Variants in PCGF5 observed in about 807,000 individuals in gnomAD.
PCGF5 encodes the protein polycomb group ring finger 5.
In PCGF5, 9 loss-of-function variants were observed where a neutral mutation model predicts 44.3. The ratio of observed to expected loss-of-function variants is 0.20; its 90% CI spans 0.12 to 0.35. The LOEUF (loss-of-function observed/expected upper bound fraction) is 0.35. PCGF5 is among the 10% of genes least tolerant of loss of function. The pLI, the probability that PCGF5 is intolerant of heterozygous loss-of-function variation, is 1.00. For missense variants in PCGF5, 146 were observed against 305.3 expected (o/e 0.48, Z 3.89); for synonymous variants, 95 against 102.5 (o/e 0.93, Z 0.44).
chr10:91,179,982 CT>C (rs1254721490), intron 1 of PCGF5, among the ~76,000 whole-genome samples: 1 of 152,052 alleles, frequency 6.6e-6, no homozygotes, highest in Non-Finnish European at 1.5e-5. Context: ...TATAACATTT[CT>C]TTTTTTCCAC....
intron 5 of PCGF5, among the ~76,000 whole-genome samples, chr10:91,250,182 G>A (rs1845590173): frequency 6.6e-6 from 1 of 151,906 alleles, no homozygotes; most frequent in Admixed American, 6.6e-5. Flanking sequence ...TTCATAGAAG[G>A]CAACTCCTAT....
At chr10:91,254,322 C>A (rs1028143297) in intron 6 of PCGF5, among the ~76,000 whole-genome samples, 1 of 151,698 alleles carries the variant, frequency 6.6e-6, no homozygotes, top group African/African-American at 2.4e-5. Context: ...TTTGAACAAC[C>A]CTTCCTTTTT....
chr10:91,223,460 G>C (rs1235971281), intron 2 of PCGF5, among the ~76,000 whole-genome samples: 1 of 152,144 alleles, frequency 6.6e-6, no homozygotes, highest in Admixed American at 6.5e-5. Context: ...CGGAGACTCT[G>C]AGAGTGGGCC....
intron 3 of PCGF5, among the ~76,000 whole-genome samples, chr10:91,248,221 G>A (rs1370608143): frequency 2.0e-5 from 3 of 152,092 alleles, no homozygotes; most frequent in African/African-American, 4.8e-5. Context: ...TATTTCCAAG[G>A]CAGGGGAATA....
intron 9 of PCGF5, among the ~76,000 whole-genome samples, chr10:91,272,365 C>T (rs374179310): frequency 1.6e-4 from 25 of 152,206 alleles, no homozygotes; most frequent in African/African-American, 6.0e-4. Flanking sequence ...CATTGTTGGG[C>T]CAGGCATAGT....
intron 1 of PCGF5, among the ~76,000 whole-genome samples, chr10:91,201,571 C>G (rs1019367098): frequency 4.6e-5 from 7 of 152,120 alleles, no homozygotes; most frequent in African/African-American, 7.2e-5. Flanking sequence ...GAGTGGAGAA[C>G]TATCTTCTCC....
chr10:91,191,138 T>C (rs1844025378), intron 1 of PCGF5, among the ~76,000 whole-genome samples: 1 of 152,164 alleles, frequency 6.6e-6, no homozygotes, highest in African/African-American at 2.4e-5. Flanking sequence ...TACATACATA[T>C]GATAAAGTTT....
intron 1 of PCGF5, among the ~76,000 whole-genome samples, chr10:91,186,882 G>A (rs942181231): frequency 8.5e-5 from 13 of 152,120 alleles, no homozygotes; most frequent in African/African-American, 2.9e-4. Context: ...TCAAGGTGAG[G>A]GTTTGCTTCA....
At chr10:91,265,298 G>A (rs892922757) in intron 8 of PCGF5, among the ~76,000 whole-genome samples, 1 of 152,020 alleles carries the variant, frequency 6.6e-6, no homozygotes, top group African/African-American at 2.4e-5. Flanking sequence ...GGGATTGTAG[G>A]ACTCATATAT....
intron 1 of PCGF5, among the ~76,000 whole-genome samples, chr10:91,178,767 T>TAAA (rs5786944): frequency 1.3e-5 from 2 of 149,684 alleles, no homozygotes; most frequent in African/African-American, 2.4e-5. Flanking sequence ...TTAAAAATAG[T>TAAA]AAAAAAAAAA....
At chr10:91,163,262 GGGCCGGTGGGCGGCGC>G (rs1171639237) in intron 1 of PCGF5, among the ~76,000 whole-genome samples, 2 of 150,660 alleles carry the variant, frequency 1.3e-5, no homozygotes, top group African/African-American at 2.4e-5. Context: ...ACCTCGGTGC[GGGCCGGTGGGCGGCGC>G]GGCCGGGCTG....
intron 1 of PCGF5, among the ~76,000 whole-genome samples, chr10:91,221,747 A>G (rs924630233): frequency 1.1e-4 from 17 of 151,696 alleles, no homozygotes; most frequent in African/African-American, 3.9e-4. Flanking sequence ...AACCTGAGAC[A>G]GGAAAGTAGC....
At chr10:91,275,950 A>G (rs931682372) in intron 9 of PCGF5, among the ~76,000 whole-genome samples, 5 of 152,208 alleles carry the variant, frequency 3.3e-5, no homozygotes, top group South Asian at 2.1e-4. Context: ...AGACTTACTG[A>G]TAACTCACAG....
chr10:91,224,232 C>G (rs1253929025), intron 2 of PCGF5, among the ~76,000 whole-genome samples: 3 of 152,168 alleles, frequency 2.0e-5, no homozygotes, highest in African/African-American at 7.2e-5. Context: ...AAGAGCTCCC[C>G]AAGTGATGCT....
At chr10:91,245,870 G>A (rs770356386) in intron 3 of PCGF5, among the ~76,000 whole-genome samples, 1 of 152,174 alleles carries the variant, frequency 6.6e-6, no homozygotes, top group Non-Finnish European at 1.5e-5. Context: ...GTTGTCCAGG[G>A]GAGTGAGAGG....
chr10:91,240,429 C>A, intron 2 of PCGF5, 55 bp from the exon 3 acceptor site: 1 of 1,146,252 alleles, frequency 8.7e-7, no homozygotes, highest in Non-Finnish European at 1.3e-6. Flanking sequence ...CTTAGTTTAA[C>A]ATTAAATGAG....
At chr10:91,241,562 T>G (rs940068400) in intron 3 of PCGF5, among the ~76,000 whole-genome samples, 13 of 151,894 alleles carry the variant, frequency 8.6e-5, no homozygotes, top group African/African-American at 2.9e-4. Context: ...CCACCATAGC[T>G]CTAAGGCAGA....
intron 1 of PCGF5, among the ~76,000 whole-genome samples, chr10:91,204,950 A>G (rs1332425853): frequency 1.3e-5 from 2 of 152,232 alleles, no homozygotes; most frequent in African/African-American, 4.8e-5. Flanking sequence ...AAAATTTGGA[A>G]TACATAGCTA....
Position 91,187,947 on chromosome 10 carries a change from C to CT in PCGF5, c.-184+24877dup, listed in dbSNP as rs562653417. Among the ~76,000 whole-genome samples the CT allele has an allele frequency of 7.6e-3, 1,111 of 145,774 alleles. 10 individuals carry two copies. The highest frequency in any genetic ancestry group is 0.024 in the African/African-American group (961 of 39,984). The stretch of plus-strand genomic sequence containing the variant: ...CCATGCTAATGGCAGATGGATGATT[C>CT]TTTTTTTTTTTATTTTAAACTTTTA... On this transcript the variant is annotated intron_variant, in intron 1 of 9. Coordinates refer to the PCGF5 transcript ENST00000614189.
Sources: allele counts gnomAD v4.1 joint callset (sites outside exome capture counted in the v4.1 genomes callset), GRCh38; gene constraint gnomAD v4.1.1; transcripts MANE v1.5; gene names NCBI Gene and HGNC (gene_info 2026-07-23, HGNC 2026-07-21).